CROCC: variants seen among roughly 807,000 people sequenced by gnomAD.
CROCC encodes rootletin.
A neutral mutation model predicts 245.2 loss-of-function variants in CROCC; 180 were observed. The observed-to-expected ratio is 0.73, with a 90% CI of 0.65 to 0.83. The LOEUF (loss-of-function observed/expected upper bound fraction) is 0.83, where lower values mean the gene tolerates loss of function less well. Ranked by LOEUF, CROCC falls within the 40% of genes least tolerant of loss-of-function variation. CROCC has a pLI of 0.00. For missense variants in CROCC, 2,688 were observed against 2,779.4 expected (o/e 0.97, Z 0.74); for synonymous variants, 1,205 against 1,241.6 (o/e 0.97, Z 0.62).
At chr1:16,929,306 C>T (rs1478997884) in intron 3 of CROCC, among the ~76,000 whole-genome samples, 1 of 152,256 alleles carries the variant, frequency 6.6e-6, no homozygotes, top group Non-Finnish European at 1.5e-5. Flanking sequence ...AGATTGACAC[C>T]TCTGTTTTGA....
At chr1:16,948,576 C>T (rs1436513844) in intron 18 of CROCC, 52 bp downstream of exon 18, 2 of 1,480,470 alleles carry the variant, frequency 1.4e-6, no homozygotes, top group Non-Finnish European at 1.8e-6. Flanking sequence ...CCTGGGGCCA[C>T]ACCATGACCA....
At chr1:16,938,861 C>T (rs373419893) in intron 11 of CROCC, 48 bp from the exon 12 acceptor site, 3 of 1,564,440 alleles carry the variant, frequency 1.9e-6, no homozygotes, top group Admixed American at 1.8e-5. Context: ...GCTAACCCCG[C>T]GGTTCCTAAC....
At chr1:16,935,328 A>G (rs1482423863) in intron 8 of CROCC, among the ~76,000 whole-genome samples, 2 of 152,234 alleles carry the variant, frequency 1.3e-5, no homozygotes, top group Non-Finnish European at 2.9e-5. Flanking sequence ...TTTCATCTTC[A>G]CAGTTCTTGA....
chr1:16,930,874 C>T (rs1484898084), intron 7 of CROCC, among the ~76,000 whole-genome samples: 3 of 152,284 alleles, frequency 2.0e-5, no homozygotes, highest in Non-Finnish European at 4.4e-5. Context: ...CAGTGGCTCA[C>T]GCCTGTAATC....
At chr1:16,921,893 C>T (rs112869817), upstream of CROCC, 229 of 1,013,034 alleles carry the variant, frequency 2.3e-4, 1 homozygote, top group South Asian at 4.6e-4. Flanking sequence ...CACATGGGGG[C>T]GCCGCCGGAT....
intron 21 of CROCC, 29 bp downstream of exon 21, chr1:16,953,510 G>T: frequency 6.4e-7 from 1 of 1,564,504 alleles, no homozygotes; most frequent in Non-Finnish European, 8.6e-7. Context: ...GGCCTCTGCT[G>T]CTCTCTGAGC....
chr1:16,918,935 C>A (rs1298089062), upstream of CROCC, among the ~76,000 whole-genome samples: 4 of 152,372 alleles, frequency 2.6e-5, no homozygotes, highest in African/African-American at 7.2e-5. Context: ...CGGGGTTTCA[C>A]CACGTTGGCC....
intron 18 of CROCC, 29 bp downstream of exon 18, chr1:16,948,553 C>G: frequency 6.7e-7 from 1 of 1,500,352 alleles, no homozygotes; most frequent in Non-Finnish European, 8.9e-7. Flanking sequence ...CCCAACCCGC[C>G]CTGGGGGGTC....
intron 32 of CROCC, 39 bp downstream of exon 32, chr1:16,969,379 G>C: frequency 5.1e-6 from 8 of 1,572,944 alleles, no homozygotes; most frequent in Non-Finnish European, 6.9e-6. Context: ...GGCCCAGTGA[G>C]AGAGTCAGCC....
chr1:16,921,421 G>A (rs1402154789), upstream of CROCC, among the ~76,000 whole-genome samples: 3 of 152,288 alleles, frequency 2.0e-5, no homozygotes, highest in African/African-American at 2.4e-5. Context: ...AGGCTGGACC[G>A]CTCATGCCCA....
At chr1:16,914,114 C>G (rs1323295004) in intron 1 of CROCC, among the ~76,000 whole-genome samples, 2 of 151,428 alleles carry the variant, frequency 1.3e-5, no homozygotes, top group Non-Finnish European at 2.9e-5. Context: ...TCGGCAGCAG[C>G]GGCTGCGGCG....
At chr1:16,955,952 C>A in intron 24 of CROCC, 45 bp from the exon 25 acceptor site, 1 of 1,547,316 alleles carries the variant, frequency 6.5e-7, no homozygotes, top group Non-Finnish European at 8.7e-7. Context: ...GAGCCACTGA[C>A]TACTCCCAGG....
chr1:16,933,432 A>C (rs1200596401), intron 8 of CROCC, among the ~76,000 whole-genome samples: 1 of 152,148 alleles, frequency 6.6e-6, no homozygotes, highest in Non-Finnish European at 1.5e-5. Flanking sequence ...ACACCATTGC[A>C]CTCCAGCCTG....
intron 8 of CROCC, among the ~76,000 whole-genome samples, chr1:16,932,959 A>C (rs1193013941): frequency 2.6e-5 from 4 of 152,276 alleles, no homozygotes; most frequent in Non-Finnish European, 5.9e-5. Flanking sequence ...CTACAGGTGC[A>C]TGCCACCAGG....
chr1:16,970,677 G>A lies in CROCC; in HGVS notation c.5694G>A (p.Arg1898=), dbSNP rs773245538. Residue 1898 remains arginine (R), a synonymous_variant, in exon 35 of 37, where the codon CGG becomes CGA. Coordinates refer to ENST00000375541, the MANE Select transcript of CROCC (RefSeq NM_014675.5). ...TTCGTAGCCATGAGGACACAGTGCG[G>A]CTGAGCGCAGAGAAGGGCCGCCTGG... The part of the protein sequence containing the change: ...EKLRSHEDTV[R]LSAEKGRLDR... 20 of 1,598,296 alleles carry A rather than the reference G, an allele frequency of 1.3e-5. No individual in the cohort carries two copies. The highest frequency in any genetic ancestry group is 1.4e-5 in the Non-Finnish European group (16 of 1,172,554).
chr1:16,948,460 G>C lies in CROCC; in HGVS notation c.2644G>C (p.Ala882Pro). 1.3e-6 allele frequency: 2 copies of C among 1,559,478 alleles called. No homozygotes were observed. The highest frequency in any genetic ancestry group is 1.4e-5 in the African/African-American group (1 of 74,024). Reference protein sequence around the residue: ...EALAKEHAGLAVQLVAAEREG... With the variant: ...EALAKEHAGLPVQLVAAEREG... ...GCTAGCCAAGGAGCACGCTGGCCTG[G>C]CTGTGCAGCTGGTGGCTGCGGAGCG... Residue 882 changes from alanine (A) to proline (P), a missense_variant, in exon 18 of 37, where the codon GCT becomes CCT. Physicochemically the swap from Ala to Pro is conservative, Grantham distance 27 (BLOSUM62 -1). Around this residue, in one of 9 missense-constraint regions of CROCC, gnomAD observed 295 missense variants for 241.7 expected, o/e 1.22. Coordinates refer to ENST00000375541, the MANE Select transcript of CROCC (RefSeq NM_014675.5).
intron 25 of CROCC, 108 bp downstream of exon 25, chr1:16,956,264 GAAC>G: frequency 4.1e-6 from 5 of 1,204,908 alleles, no homozygotes; most frequent in Non-Finnish European, 5.7e-6. Flanking sequence ...CCAGGGGCTT[GAAC>G]TATGACAAGC....
At chr1:16,922,099 C>T (rs1201379962) in intron 1 of CROCC, 21 bp downstream of exon 1, 1 of 1,533,712 alleles carries the variant, frequency 6.5e-7, no homozygotes, top group South Asian at 1.2e-5. Flanking sequence ...GGGGCTGTGC[C>T]CACCCTGTCT....
At position 16,971,412 on chromosome 1, in the gene CROCC, GCA is replaced by G; in HGVS notation, c.5785-43_5785-42del. On this transcript the variant is annotated intron_variant, in intron 35 of 36. Transcript: ENST00000375541. Reference sequence around the variant, plus strand: ...AGGTACCTGACAACCCGTCACACATGCACACACACACTCACACTGGGCCAGAA... The same window carrying G: ...AGGTACCTGACAACCCGTCACACATGCACACACACTCACACTGGGCCAGAA... 17 of 1,475,986 alleles carry G rather than the reference GCA, an allele frequency of 1.2e-5. 1 individual carries two copies. The highest frequency in any genetic ancestry group is 3.9e-5 in the South Asian group (3 of 76,468). 91.4% of individuals were successfully genotyped at this position (1,475,986 alleles called of 1,614,324 possible).
Sources: allele counts gnomAD v4.1 joint callset (sites outside exome capture counted in the v4.1 genomes callset), GRCh38; gene constraint gnomAD v4.1.1; regional missense constraint gnomAD v4.1.1; transcripts MANE v1.5; gene names NCBI Gene and HGNC (gene_info 2026-07-23, HGNC 2026-07-21).